The following RTN4 variants were observed in gnomAD, a reference collection of about 807,000 sequenced individuals.
The protein encoded by RTN4 is reticulon-4.
In RTN4, 32 loss-of-function variants were observed where a neutral mutation model predicts 90.4. That is an observed-to-expected ratio of 0.35 (90% CI 0.27 to 0.48). The LOEUF (loss-of-function observed/expected upper bound fraction) is 0.48, where lower values mean the gene tolerates loss of function less well. Among genes scored for constraint, RTN4 ranks in the 20% least tolerant of loss-of-function variants. The pLI is 0.99. For synonymous variants in RTN4, 629 were observed against 552.5 expected, an observed-to-expected ratio of 1.14 and a Z score of -1.94; for missense variants, 1,706 against 1,430.2, an observed-to-expected ratio of 1.19 and a Z score of -3.11.
At chr2:55,084,242 C>A (rs1229940124) in intron 1 of RTN4, among the ~76,000 whole-genome samples, 2 of 151,984 alleles carry the variant, frequency 1.3e-5, no homozygotes, top group African/African-American at 4.8e-5. Flanking sequence ...ACAACCCCTT[C>A]CCCATACATT....
At chr2:54,997,867 T>C (rs1679554864) in intron 3 of RTN4, among the ~76,000 whole-genome samples, 1 of 152,202 alleles carries the variant, frequency 6.6e-6, no homozygotes, top group South Asian at 2.1e-4. Context: ...TGTTAATTTC[T>C]TACTGTAACT....
intron 1 of RTN4, among the ~76,000 whole-genome samples, chr2:55,105,747 G>T (rs1396425251): frequency 6.6e-6 from 1 of 152,020 alleles, no homozygotes; most frequent in East Asian, 1.9e-4. Flanking sequence ...GGAAGCAGGA[G>T]AAACACTTGT....
intron 2 of RTN4, 29 bp from the exon 3 acceptor site, chr2:55,027,514 G>A (rs200462482): frequency 5.9e-5 from 92 of 1,564,114 alleles, no homozygotes; most frequent in Admixed American, 9.8e-5. Context: ...AGGAAAGTTA[G>A]AGAATGCCAG....
chr2:55,037,697 C>T (rs978007724), intron 1 of RTN4, among the ~76,000 whole-genome samples: 1 of 152,168 alleles, frequency 6.6e-6, no homozygotes, highest in African/African-American at 2.4e-5. Flanking sequence ...AGTGTAAAAT[C>T]TCAAATCCTA....
chr2:55,077,798 C>T (rs1001958146), intron 2 of RTN4, among the ~76,000 whole-genome samples: 3 of 150,922 alleles, frequency 2.0e-5, no homozygotes. Flanking sequence ...CACACAGACA[C>T]ACCATATAAT....
the RTN4 span, among the ~76,000 whole-genome samples, chr2:55,130,308 T>G: frequency 1.3e-5 from 2 of 152,326 alleles, no homozygotes; most frequent in South Asian, 4.1e-4. Flanking sequence ...CACTAAACCA[T>G]ACATTTCTAT....
At chr2:55,069,940 T>A (rs1369141279) in intron 2 of RTN4, among the ~76,000 whole-genome samples, 2 of 152,046 alleles carry the variant, frequency 1.3e-5, no homozygotes, top group Admixed American at 1.3e-4. Context: ...AGAGAAGGGA[T>A]GAAGAATTAA....
At chr2:54,995,165 AG>A (rs1679320422) in intron 3 of RTN4, among the ~76,000 whole-genome samples, 1 of 151,928 alleles carries the variant, frequency 6.6e-6, no homozygotes, top group African/African-American at 2.4e-5. Context: ...ACTTGAACTC[AG>A]GAGGCGGAGG....
At chr2:55,051,534 T>C (rs1214442749), upstream of RTN4, among the ~76,000 whole-genome samples, 1 of 152,168 alleles carries the variant, frequency 6.6e-6, no homozygotes, top group Non-Finnish European at 1.5e-5. Flanking sequence ...TCAGGATCCT[T>C]TTATCTTTCT....
At chr2:55,092,906 T>C (rs1480021346) in intron 1 of RTN4, among the ~76,000 whole-genome samples, 1 of 152,246 alleles carries the variant, frequency 6.6e-6, no homozygotes, top group Non-Finnish European at 1.5e-5. Context: ...ATTTTCTTCT[T>C]CTTCACAGAC....
At chr2:54,998,759 C>T (rs1679639055) in intron 3 of RTN4, among the ~76,000 whole-genome samples, 1 of 152,098 alleles carries the variant, frequency 6.6e-6, no homozygotes, top group African/African-American at 2.4e-5. Flanking sequence ...AAATAAAGGA[C>T]ACCTTTCAAT....
At chr2:55,105,117 A>G (rs1011395769) in intron 1 of RTN4, among the ~76,000 whole-genome samples, 1 of 151,536 alleles carries the variant, frequency 6.6e-6, no homozygotes, top group Non-Finnish European at 1.5e-5. Flanking sequence ...CATTGTTTTC[A>G]TTAGCATTTC....
chr2:55,011,976 C>T (rs1036748247), intron 3 of RTN4, among the ~76,000 whole-genome samples: 6 of 152,138 alleles, frequency 3.9e-5, no homozygotes, highest in East Asian at 3.8e-4. Flanking sequence ...GGCCTCTCCA[C>T]GCAACATTCA....
At chr2:55,044,785 T>TAAAAAA (rs10639848) in intron 1 of RTN4, among the ~76,000 whole-genome samples, 171 of 65,568 alleles carry the variant, frequency 2.6e-3, no homozygotes, top group Non-Finnish European at 3.0e-3. Context: ...TGCAAATCAC[T>TAAAAAA]AAAAAAAAAA....
intron 3 of RTN4, among the ~76,000 whole-genome samples, chr2:54,994,771 CTATT>C (rs1679283844): frequency 6.6e-6 from 1 of 152,132 alleles, no homozygotes; most frequent in Admixed American, 6.6e-5. Flanking sequence ...AGATTAAACT[CTATT>C]TAAAGATAAC....
intron 1 of RTN4, among the ~76,000 whole-genome samples, chr2:55,044,850 G>A (rs1398034327): frequency 3.6e-5 from 5 of 138,122 alleles, no homozygotes; most frequent in African/African-American, 8.1e-5. Context: ...GAACCAATCT[G>A]AAACATAATT....
the RTN4 span, among the ~76,000 whole-genome samples, chr2:55,126,374 A>AG: frequency 2.0e-4 from 31 of 152,020 alleles, no homozygotes; most frequent in Admixed American, 1.1e-3. Flanking sequence ...CGTCTCAAAA[A>AG]GAAAAAAAAA....
chr2:55,060,479 C>T (rs149189136), intron 2 of RTN4: 113 of 152,342 alleles, frequency 7.4e-4, no homozygotes, highest in African/African-American at 2.6e-3. Context: ...TTTCTACATT[C>T]CTTTATCATC....
the RTN4 span, among the ~76,000 whole-genome samples, chr2:55,128,647 C>T: frequency 1.1e-4 from 16 of 152,122 alleles, 1 homozygote; most frequent in East Asian, 1.5e-3. Flanking sequence ...GATTAAAAAC[C>T]CAGGCAACAT....
Sources: allele counts gnomAD v4.1 joint callset (sites outside exome capture counted in the v4.1 genomes callset), GRCh38; gene constraint gnomAD v4.1.1; transcripts MANE v1.5; gene names NCBI Gene and HGNC (gene_info 2026-07-23, HGNC 2026-07-21).